Variants in NUP210L observed in about 807,000 individuals in gnomAD.
The protein encoded by NUP210L is nuclear pore membrane glycoprotein 210-like.
NUP210L carries 74 observed loss-of-function variants against 208.5 expected under a neutral mutation model. That is an observed-to-expected ratio of 0.35 (90% confidence interval 0.29 to 0.43). The LOEUF is 0.43. Among genes scored for constraint, NUP210L ranks in the 20% least tolerant of loss-of-function variants. The pLI is 1.00. For missense variants in NUP210L, 1,843 were observed against 2,289.4 expected, an observed-to-expected ratio of 0.81 and a Z score of 3.98; for synonymous variants, 780 against 816.9, an observed-to-expected ratio of 0.95 and a Z score of 0.77.
At chr1:154,095,420 C>T (rs1050797528) in intron 14 of NUP210L, among the ~76,000 whole-genome samples, 8 of 152,194 alleles carry the variant, frequency 5.3e-5, no homozygotes, top group Non-Finnish European at 1.2e-4. Flanking sequence ...ATCCTCTAAG[C>T]TCTTACAGTA....
At chr1:154,106,712 C>T (rs1224522792) in intron 12 of NUP210L, among the ~76,000 whole-genome samples, 3 of 152,236 alleles carry the variant, frequency 2.0e-5, no homozygotes, top group Non-Finnish European at 4.4e-5. Flanking sequence ...GAACAAGAGT[C>T]TGCCTGGTAA....
intron 37 of NUP210L, among the ~76,000 whole-genome samples, chr1:153,997,120 C>T (rs547700256): frequency 1.3e-5 from 2 of 152,058 alleles, no homozygotes; most frequent in East Asian, 1.9e-4. Flanking sequence ...CCCGCCACCA[C>T]GCCCAGATAA....
chr1:154,146,623 C>CCCA (rs1456844324), intron 2 of NUP210L, among the ~76,000 whole-genome samples: 1 of 106,606 alleles, frequency 9.4e-6, no homozygotes, highest in African/African-American at 3.9e-5. Flanking sequence ...CCCCCCTCCC[C>CCCA]CCCCCACCAA....
chr1:154,130,617 C>CT (rs1234658544), intron 7 of NUP210L, among the ~76,000 whole-genome samples: 1 of 133,344 alleles, frequency 7.5e-6, no homozygotes, highest in African/African-American at 2.8e-5. Context: ...GGGTCTCACT[C>CT]TGTCACCCAG....
In NUP210L at chr1:154,038,608, G is replaced by T. The variant is rs572923222; in HGVS notation, c.3696+7461C>A. 2.1e-4 allele frequency among the ~76,000 whole-genome samples: 32 copies of T among 152,142 alleles called. No homozygotes were observed. In the East Asian group the frequency reaches 3.9e-3, roughly 18 times the overall value. On this transcript the variant is annotated intron_variant, in intron 27 of 39. Transcript: ENST00000368559. ...GACCTGCCTGCCTTGGCCTCCCAAA[G>T]TACTAGGGTTACAGGCGTAAGCCAC... is the stretch of plus-strand genomic sequence containing the variant.
At position 154,012,296 on chromosome 1, in the gene NUP210L, T is replaced by C. The variant is rs754339962; in HGVS notation, c.4728A>G (p.Ser1576=). The change falls in exon 34 of 40, where the codon TCA becomes TCG. Residue 1576 remains serine, a synonymous_variant. Coordinates refer to ENST00000368559, the Ensembl canonical transcript of NUP210L. Reference sequence around the variant, plus strand: ...TGGTGATGAAGAGCTTGAATACAGTTGAATTGAGGGTATTGGTGAGATAAG... The same window carrying C: ...TGGTGATGAAGAGCTTGAATACAGTCGAATTGAGGGTATTGGTGAGATAAG... 19 of 1,612,978 alleles carry C rather than the reference T, an allele frequency of 1.2e-5. 1 individual carries two copies. In the South Asian group the frequency reaches 1.6e-4, roughly 14 times the overall value.
intron 2 of NUP210L, among the ~76,000 whole-genome samples, chr1:154,151,184 T>C (rs969608496): frequency 6.6e-6 from 1 of 151,804 alleles, no homozygotes; most frequent in Non-Finnish European, 1.5e-5. Flanking sequence ...TCAATGTTTT[T>C]TGTTTTTTCT....
chr1:154,027,097 CAA>C (rs770084247), intron 29 of NUP210L, among the ~76,000 whole-genome samples: 13 of 108,882 alleles, frequency 1.2e-4, no homozygotes, highest in Admixed American at 1.9e-4. Flanking sequence ...AAAAAAAAAA[CAA>C]AAAAAAAAAA....
exon 40 of NUP210L, chr1:153,992,753 G>T: frequency 1.1e-6 from 1 of 877,856 alleles, no homozygotes; most frequent in Non-Finnish European, 1.8e-6. Context: ...GAAACTTAAT[G>T]TAGAAGTTGC....
intron 27 of NUP210L, among the ~76,000 whole-genome samples, chr1:154,039,353 C>A (rs1466187266): frequency 1.3e-5 from 2 of 151,874 alleles, no homozygotes; most frequent in Non-Finnish European, 2.9e-5. Context: ...CCTGCCTCAG[C>A]CTCCTGACTA....
intron 28 of NUP210L, among the ~76,000 whole-genome samples, chr1:154,028,849 C>A (rs1652054076): frequency 6.6e-6 from 1 of 151,980 alleles, no homozygotes; most frequent in Admixed American, 6.6e-5. Flanking sequence ...AATCCTAGCA[C>A]TTTGGGAGGC....
At chr1:154,083,122 G>A (rs575643397) in intron 16 of NUP210L, among the ~76,000 whole-genome samples, 6 of 152,234 alleles carry the variant, frequency 3.9e-5, no homozygotes, top group South Asian at 2.1e-4. Context: ...AAAAGCAACC[G>A]AGCAGGTTGC....
intron 2 of NUP210L, among the ~76,000 whole-genome samples, chr1:154,143,817 A>G (rs1658977607): frequency 6.6e-6 from 1 of 152,178 alleles, no homozygotes; most frequent in Admixed American, 6.5e-5. Flanking sequence ...ATGGAAAAAT[A>G]AGAAAAATAA....
chr1:154,086,039 C>G (rs1655605855), intron 16 of NUP210L, among the ~76,000 whole-genome samples: 1 of 151,710 alleles, frequency 6.6e-6, no homozygotes, highest in African/African-American at 2.4e-5. Context: ...TGGTGAAACC[C>G]TGTCTCTACT....
intron 12 of NUP210L, among the ~76,000 whole-genome samples, chr1:154,115,897 T>A (rs1300454096): frequency 6.6e-6 from 1 of 151,874 alleles, no homozygotes; most frequent in Non-Finnish European, 1.5e-5. Context: ...GGTGGGCGGA[T>A]CACTTGAGGT....
intron 15 of NUP210L, among the ~76,000 whole-genome samples, chr1:154,093,212 T>C (rs892579990): frequency 6.6e-6 from 1 of 152,092 alleles, no homozygotes; most frequent in Non-Finnish European, 1.5e-5. Context: ...GCAGATCACC[T>C]GAGGTCAGGA....
chr1:153,995,328 T>A (rs1649777939), intron 37 of NUP210L, 148 bp from the exon 38 acceptor site: 1 of 612,250 alleles, frequency 1.6e-6, no homozygotes. Context: ...CTCAGCTCAC[T>A]GCAACCTCCA....
chr1:154,060,764 A>G (rs1452561765), intron 19 of NUP210L, 123 bp from the exon 20 acceptor site: 3 of 777,410 alleles, frequency 3.9e-6, no homozygotes, highest in Non-Finnish European at 6.2e-6. Flanking sequence ...TAGACAAAAG[A>G]CAAAATACAA....
intron 38 of NUP210L, among the ~76,000 whole-genome samples, chr1:153,993,761 GGT>G (rs1020107662): frequency 6.6e-6 from 1 of 152,064 alleles, no homozygotes; most frequent in African/African-American, 2.4e-5. Context: ...AGACAGGTGT[GGT>G]GGCGGGTGTC....
Sources: gnomAD v4.1 joint callset for allele counts (sites outside exome capture counted in the v4.1 genomes callset) on GRCh38, gnomAD v4.1.1 for gene constraint, MANE v1.5 for transcripts, NCBI Gene and HGNC (gene_info 2026-07-23, HGNC 2026-07-21) for gene names.